The following MYOM1 variants were observed in gnomAD, a reference collection of about 807,000 sequenced individuals.
MYOM1 encodes myomesin-1.
A neutral mutation model predicts 205.3 loss-of-function variants in MYOM1; 164 were observed. The observed-to-expected ratio is 0.80, with a 90% CI of 0.70 to 0.91. The LOEUF (loss-of-function observed/expected upper bound fraction) is 0.91, where lower values mean the gene tolerates loss of function less well. MYOM1 is among the 40% of genes least tolerant of loss of function. MYOM1 has a pLI of 0.00. For missense variants in MYOM1, 2,011 were observed against 2,127.3 expected, an observed-to-expected ratio of 0.95 and a Z score of 1.08; for synonymous variants, 772 against 789.4, an observed-to-expected ratio of 0.98 and a Z score of 0.37.
chr18:3,229,033 C>CT, the MYOM1 span, among the ~76,000 whole-genome samples: 1 of 152,224 alleles, frequency 6.6e-6, no homozygotes, highest in Non-Finnish European at 1.5e-5. Context: ...TACCTGGTCT[C>CT]TAAGTGTTGA....
In MYOM1 at chr18:3,135,412, G is replaced by C. The variant is rs2079941814; in HGVS notation, c.2209+135C>G. On this transcript the variant is annotated intron_variant, in intron 15 of 37. Coordinates refer to ENST00000356443, the MANE Select transcript of MYOM1 (RefSeq NM_003803.4). The surrounding 1 kb of genome is among the most constrained non-coding windows in gnomAD (Gnocchi z 4.1). ...TAATGAATTTTTGTTTAATGTATAGGTTAAGTACAGCCATCGAGTAAATTT... is the reference window on the plus strand; with the variant it reads ...TAATGAATTTTTGTTTAATGTATAGCTTAAGTACAGCCATCGAGTAAATTT... 1.3e-6 allele frequency: 1 copy of C among 756,226 alleles called. No individual in the cohort carries two copies. The highest frequency in any genetic ancestry group is 2.1e-6 in the Non-Finnish European group (1 of 482,158). The allele number at this position is 756,226 out of a possible 1,614,324, so 46.8% of individuals were successfully genotyped here.
At position 3,108,731 on chromosome 18, in the gene MYOM1, G is replaced by C. The variant is rs921218823; in HGVS notation, c.3418+3567C>G. On this transcript the variant is annotated intron_variant, in intron 22 of 37. Coordinates refer to ENST00000356443, the MANE Select transcript of MYOM1 (RefSeq NM_003803.4). Reference sequence around the variant, plus strand: ...AATTTTTGTATTTTCAGTAGAAACAGGGTTTCACCATGTTGGCCAGGCTGA... The same window carrying C: ...AATTTTTGTATTTTCAGTAGAAACACGGTTTCACCATGTTGGCCAGGCTGA... Among the ~76,000 whole-genome samples, 22 of 152,188 alleles carry C rather than the reference G, an allele frequency of 1.4e-4. 1 individual carries two copies. The East Asian group carries it at 4.3e-3, about 30-fold the overall frequency.
At chr18:3,138,774 G>A (rs891251280) in intron 14 of MYOM1, among the ~76,000 whole-genome samples, 1 of 152,288 alleles carries the variant, frequency 6.6e-6, no homozygotes, top group South Asian at 2.1e-4. Flanking sequence ...ATGCCATGGA[G>A]TAGGTATTGT....
At chr18:3,151,482 TAAAATA>T in intron 12 of MYOM1, among the ~76,000 whole-genome samples, 1 of 85,390 alleles carries the variant, frequency 1.2e-5, no homozygotes, top group Non-Finnish European at 2.8e-5. Flanking sequence ...ATAAATAAAA[TAAAATA>T]AAATAAAATA....
intron 25 of MYOM1, among the ~76,000 whole-genome samples, chr18:3,096,130 G>A (rs993988662): frequency 2.0e-5 from 3 of 152,102 alleles, no homozygotes; most frequent in African/African-American, 7.2e-5. Flanking sequence ...AGTGGGCACG[G>A]AGCAAATGTG....
intron 5 of MYOM1, among the ~76,000 whole-genome samples, chr18:3,181,701 T>A (rs1042731688): frequency 6.6e-6 from 1 of 151,912 alleles, no homozygotes; most frequent in African/African-American, 2.4e-5. Flanking sequence ...TAAGTATCTA[T>A]TTGACAACGA....
At position 3,134,536 on chromosome 18, in the gene MYOM1, C is replaced by T; in HGVS notation, c.2384+114G>A. 3 of 1,189,036 alleles carry T rather than the reference C, an allele frequency of 2.5e-6. No individual in the cohort carries two copies. The Admixed American group carries it at 8.8e-5, about 35-fold the overall frequency. The allele number at this position is 1,189,036 out of a possible 1,614,324, so 73.7% of individuals were successfully genotyped here. On this transcript the variant is annotated intron_variant, in intron 16 of 37. Transcript: ENST00000356443. ...GATTACAGGTGTAAGCCACCACATCCAGCCAAAAAGTAAAATTTTTTAAAA... is the reference window on the plus strand; with the variant it reads ...GATTACAGGTGTAAGCCACCACATCTAGCCAAAAAGTAAAATTTTTTAAAA...
chr18:3,091,933 T>C (rs2079232516), intron 26 of MYOM1, among the ~76,000 whole-genome samples: 1 of 152,122 alleles, frequency 6.6e-6, no homozygotes. Context: ...AGTTTTACCA[T>C]GATGGCCAGG....
At chr18:3,158,095 T>C (rs2080327508) in intron 10 of MYOM1, among the ~76,000 whole-genome samples, 1 of 152,232 alleles carries the variant, frequency 6.6e-6, no homozygotes, top group Non-Finnish European at 1.5e-5. Context: ...TCAAAAAATA[T>C]GTTAAAATCC....
chr18:3,231,534 CTTTTTT>C, the MYOM1 span, among the ~76,000 whole-genome samples: 1 of 120,196 alleles, frequency 8.3e-6, no homozygotes, highest in African/African-American at 3.4e-5. Flanking sequence ...AATATGCATC[CTTTTTT>C]TTTTTTTTTT....
chr18:3,218,281 T>C (rs2081293598), intron 1 of MYOM1, among the ~76,000 whole-genome samples: 1 of 152,228 alleles, frequency 6.6e-6, no homozygotes, highest in Admixed American at 6.5e-5. Context: ...ATCTGTTTTC[T>C]CCAAATGTCA....
intron 31 of MYOM1, 35 bp from the exon 32 acceptor site, chr18:3,084,062 T>G: frequency 6.4e-7 from 1 of 1,559,224 alleles, no homozygotes; most frequent in South Asian, 1.2e-5. Flanking sequence ...AACTTTAGCA[T>G]AAAAATTCTC....
chr18:3,188,502 G>A (rs1366651180), intron 4 of MYOM1, among the ~76,000 whole-genome samples: 6 of 151,810 alleles, frequency 4.0e-5, no homozygotes, highest in African/African-American at 7.3e-5. Flanking sequence ...GGTGGCACGT[G>A]CCTGTAATCC....
intron 22 of MYOM1, among the ~76,000 whole-genome samples, chr18:3,109,006 A>G (rs2079489320): frequency 6.6e-6 from 1 of 150,412 alleles, no homozygotes; most frequent in Admixed American, 6.6e-5. Flanking sequence ...TTTGAGATGG[A>G]GTCTTGCTCT....
At chr18:3,194,856 T>C (rs1028047113) in intron 2 of MYOM1, among the ~76,000 whole-genome samples, 3 of 151,806 alleles carry the variant, frequency 2.0e-5, no homozygotes, top group African/African-American at 7.3e-5. Flanking sequence ...GGGATCTGTA[T>C]GGGAACCCTC....
intron 34 of MYOM1, among the ~76,000 whole-genome samples, chr18:3,077,379 CAT>C (rs1243587354): frequency 2.0e-5 from 3 of 152,146 alleles, no homozygotes; most frequent in Non-Finnish European, 4.4e-5. Flanking sequence ...GTCTAGGAAT[CAT>C]ATTTTAAGTC....
intron 13 of MYOM1, among the ~76,000 whole-genome samples, chr18:3,146,156 T>A (rs1385824009): frequency 2.0e-5 from 3 of 151,990 alleles, no homozygotes; most frequent in Admixed American, 2.0e-4. Context: ...CAGGCCTAGA[T>A]GGCTCTGCTG....
intron 14 of MYOM1, among the ~76,000 whole-genome samples, chr18:3,139,277 G>A (rs1298767147): frequency 2.6e-5 from 4 of 152,198 alleles, no homozygotes; most frequent in Non-Finnish European, 5.9e-5. Context: ...CCTTGTCTCT[G>A]ACACGACCAG....
intron 9 of MYOM1, among the ~76,000 whole-genome samples, chr18:3,166,794 A>G (rs2080478900): frequency 6.6e-6 from 1 of 152,180 alleles, no homozygotes; most frequent in South Asian, 2.1e-4. Flanking sequence ...TCCAAAATTT[A>G]TTTTCTAAAA....
Sources: allele counts gnomAD v4.1 joint callset (sites outside exome capture counted in the v4.1 genomes callset), GRCh38; gene constraint gnomAD v4.1.1; non-coding constraint Gnocchi (gnomAD v3.1); transcripts MANE v1.5; gene names NCBI Gene and HGNC (gene_info 2026-07-23, HGNC 2026-07-21).